CBL: variants seen among roughly 807,000 people sequenced by gnomAD.
CBL encodes the protein E3 ubiquitin-protein ligase CBL.
Under a neutral mutation model 96.9 loss-of-function variants are expected in CBL, and 45 were observed. That is an observed-to-expected ratio of 0.46 (90% CI 0.37 to 0.60). The LOEUF (loss-of-function observed/expected upper bound fraction) is 0.60. CBL is among the 20% of genes least tolerant of loss of function. CBL has a pLI of 0.00. For missense variants in CBL, 1,024 were observed against 1,143.5 expected (o/e 0.90, Z 1.51); for synonymous variants, 420 against 426.8 (o/e 0.98, Z 0.20).
At position 119,296,921 on chromosome 11, in the gene CBL, TCTTC is replaced by T. The variant is rs764813039; in HGVS notation, c.2043_2046del (p.Pro682CysfsTer19). 65 of 1,533,778 alleles carry T rather than the reference TCTTC, an allele frequency of 4.2e-5. No homozygotes were observed. Among genetic ancestry groups the T allele is most frequent in the Non-Finnish European group, 5.9e-5 (65 of 1,106,840 alleles). On this transcript the variant is annotated frameshift_variant, in exon 13 of 16. Coordinates refer to ENST00000264033, the MANE Select transcript of CBL (RefSeq NM_005188.4). LOFTEE classifies it high-confidence loss of function. ...TTTTTTATTCTTCATCTTCCAGACC[TCTTC>T]CTGTGCCAAAACTGCCACCTGGGGA...
At chr11:119,208,453 G>A (rs1325312303) in intron 1 of CBL, among the ~76,000 whole-genome samples, 1 of 151,322 alleles carries the variant, frequency 6.6e-6, no homozygotes, top group African/African-American at 2.4e-5. Context: ...TGCATGGTGC[G>A]ATCTCGACTC....
intron 2 of CBL, among the ~76,000 whole-genome samples, chr11:119,246,269 G>A (rs867624577): frequency 1.3e-5 from 2 of 151,460 alleles, no homozygotes; most frequent in African/African-American, 4.9e-5. Flanking sequence ...CACCGCGCCC[G>A]GCCTTACAAA....
At chr11:119,237,402 A>G (rs7113047) in intron 2 of CBL, among the ~76,000 whole-genome samples, 50,919 of 152,090 alleles carry the variant, frequency 0.33, 9,112 homozygotes, top group South Asian at 0.61. Flanking sequence ...TTGAATCACA[A>G]AAGTTTTTAA....
At chr11:119,298,607 G>C in intron 15 of CBL, 67 bp downstream of exon 15, 2 of 1,357,198 alleles carry the variant, frequency 1.5e-6, no homozygotes, top group Non-Finnish European at 2.1e-6. Context: ...ATATTGAAAG[G>C]GAGATGACCT....
chr11:119,252,739 C>T (rs1374124245), intron 2 of CBL, among the ~76,000 whole-genome samples: 1 of 142,596 alleles, frequency 7.0e-6, no homozygotes, highest in Non-Finnish European at 1.5e-5. Flanking sequence ...CTTAGCTGGG[C>T]GTGGTGGTAG....
chr11:119,284,980 G>A lies in CBL; in HGVS notation c.1443G>A (p.Pro481=), dbSNP rs768111719. The change falls in exon 10 of 16, where the codon CCG becomes CCA. Residue 481 remains proline (P), a synonymous_variant. Transcript: ENST00000264033. ...KELAGAKVER[P]PSPFSMAPQA... is the part of the protein sequence containing the mutation. ...TTTATGTACCCTAGGTGGAACGGCC[G>A]CCTTCTCCATTCTCCATGGCCCCAC... 14 of 1,614,072 alleles carry A rather than the reference G, an allele frequency of 8.7e-6. No individual in the cohort carries two copies. Among genetic ancestry groups the A allele is most frequent in the South Asian group, 7.7e-5 (7 of 91,074 alleles).
chr11:119,272,510 CTTTA>C (rs1457453476), intron 3 of CBL, among the ~76,000 whole-genome samples: 1 of 152,202 alleles, frequency 6.6e-6, no homozygotes, highest in African/African-American at 2.4e-5. Flanking sequence ...AAGAAATTGT[CTTTA>C]TTTACATACG....
At chr11:119,289,961 G>A (rs1267496920) in intron 12 of CBL, among the ~76,000 whole-genome samples, 1 of 152,108 alleles carries the variant, frequency 6.6e-6, no homozygotes, top group Non-Finnish European at 1.5e-5. Flanking sequence ...TGTTGACCAG[G>A]CTGGTCTTGA....
intron 6 of CBL, among the ~76,000 whole-genome samples, chr11:119,277,011 C>T (rs184405929): frequency 8.7e-4 from 132 of 152,188 alleles, no homozygotes; most frequent in Admixed American, 1.7e-3. Flanking sequence ...TTTGGGAGGC[C>T]GAGACGGGTG....
chr11:119,245,173 GTT>G (rs55688715), intron 2 of CBL, among the ~76,000 whole-genome samples: 5 of 143,414 alleles, frequency 3.5e-5, no homozygotes, highest in Non-Finnish European at 3.0e-5. Flanking sequence ...TGCCCGACCA[GTT>G]TTTTTTTTTT....
At chr11:119,271,696 A>G (rs770279597) in intron 2 of CBL, 39 bp from the exon 3 acceptor site, 1 of 1,575,352 alleles carries the variant, frequency 6.3e-7, no homozygotes, top group Non-Finnish European at 8.7e-7. Context: ...AATAAAAATA[A>G]TTTTATGTGT....
intron 11 of CBL, among the ~76,000 whole-genome samples, chr11:119,287,024 A>T (rs1159560770): frequency 6.6e-6 from 1 of 152,238 alleles, no homozygotes; most frequent in Non-Finnish European, 1.5e-5. Context: ...AGGATGTGCC[A>T]TGCTGATCCC....
At chr11:119,276,430 A>G (rs1180180658) in intron 6 of CBL, among the ~76,000 whole-genome samples, 2 of 152,212 alleles carry the variant, frequency 1.3e-5, no homozygotes, top group African/African-American at 4.8e-5. Flanking sequence ...AAATATACCA[A>G]TTAGCAGGAA....
intron 2 of CBL, among the ~76,000 whole-genome samples, chr11:119,235,006 C>T (rs531057316): frequency 1.3e-5 from 2 of 152,140 alleles, no homozygotes; most frequent in Non-Finnish European, 2.9e-5. Context: ...GCTGGAAAGA[C>T]GGGTTGAAGT....
rs1452714374 is a variant in CBL, at chr11:119,301,602, CTT to C, written c.*1824_*1825del. 1 of 233,172 alleles carries C rather than the reference CTT, an allele frequency of 4.3e-6. No individual in the cohort carries two copies. The highest frequency in any genetic ancestry group is 2.2e-5 in the African/African-American group (1 of 45,348). 14.4% of individuals were successfully genotyped at this position (233,172 alleles called of 1,614,324 possible). ...TCTTGGCATTCAGCTACTCCTAGAT[CTT>C]TTGGTTTTATCCCCTGGCCTCAGAG... On this transcript the variant is annotated 3_prime_UTR_variant, in exon 16 of 16. Coordinates refer to ENST00000264033, the MANE Select transcript of CBL (RefSeq NM_005188.4).
At position 119,306,427 on chromosome 11, in the gene CBL, C is replaced by G. The variant is rs1160766528; in HGVS notation, c.*6646C>G. The G allele has an allele frequency of 3.0e-5, 12 of 398,644 alleles. No individual in the cohort carries two copies. Among genetic ancestry groups the G allele is most frequent in the Non-Finnish European group, 4.4e-5 (10 of 226,074 alleles). The allele number at this position is 398,644 out of a possible 1,614,324, so 24.7% of individuals were successfully genotyped here. A position where few individuals can be genotyped will look rare whatever the true frequency, so the allele number is the denominator to read the frequency against. On this transcript the variant is annotated 3_prime_UTR_variant, in exon 16 of 16. Coordinates refer to ENST00000264033, the MANE Select transcript of CBL (RefSeq NM_005188.4). ...ACCAACATTGCCTCTCCTACATTCT[C>G]CTTCTGCCCCTAAATCAGACAGGAG...
chr11:119,276,155 A>G (rs780915435), intron 6 of CBL, 21 bp downstream of exon 6: 2 of 1,613,724 alleles, frequency 1.2e-6, no homozygotes, highest in Non-Finnish European at 1.7e-6. Flanking sequence ...ACTGCATACC[A>G]TCTGTTAGAG....
intron 9 of CBL, among the ~76,000 whole-genome samples, chr11:119,283,625 CTTTTTTTTTTT>C (rs398017760): frequency 1.5e-3 from 70 of 45,532 alleles, no homozygotes; most frequent in South Asian, 5.7e-3. Flanking sequence ...TTAATTCTTT[CTTTTTTTTTTT>C]TTTTTTTTTT....
intron 2 of CBL, among the ~76,000 whole-genome samples, chr11:119,245,593 G>C (rs186850633): frequency 6.6e-6 from 1 of 152,106 alleles, no homozygotes; most frequent in East Asian, 1.9e-4. Flanking sequence ...CCCGGGCATG[G>C]TGGTGGGTAC....
Sources: gnomAD v4.1 joint callset for allele counts (sites outside exome capture counted in the v4.1 genomes callset) on GRCh38, gnomAD v4.1.1 for gene constraint, MANE v1.5 for transcripts, NCBI Gene and HGNC (gene_info 2026-07-23, HGNC 2026-07-21) for gene names.